The following SHOC1 variants were observed in gnomAD, a reference collection of about 807,000 sequenced individuals.
SHOC1 encodes the protein shortage in chiasmata 1.
In SHOC1, 136 loss-of-function variants were observed where a neutral mutation model predicts 179.2. The ratio of observed to expected loss-of-function variants is 0.76; its 90% CI spans 0.66 to 0.87. The LOEUF is 0.87. Among genes scored for constraint, SHOC1 ranks in the 40% least tolerant of loss-of-function variants. SHOC1 has a pLI of 0.00. For missense variants in SHOC1, 1,538 were observed against 1,700.8 expected, an observed-to-expected ratio of 0.90 and a Z score of 1.68; for synonymous variants, 489 against 586.6, an observed-to-expected ratio of 0.83 and a Z score of 2.41.
chr9:111,712,387 A>T (rs13290402), intron 18 of SHOC1, among the ~76,000 whole-genome samples: 8,679 of 152,234 alleles, frequency 0.057, 627 homozygotes, highest in African/African-American at 0.17. Flanking sequence ...GCCTCAAAGG[A>T]GGAGGAATAA....
intron 5 of SHOC1, among the ~76,000 whole-genome samples, chr9:111,762,821 TG>T (rs1479165775): frequency 2.0e-5 from 3 of 152,080 alleles, no homozygotes; most frequent in Non-Finnish European, 2.9e-5. Context: ...GCAACCATCA[TG>T]CTTCTACCGA....
At chr9:111,782,529 C>T (rs1836105618) in intron 3 of SHOC1, among the ~76,000 whole-genome samples, 1 of 152,046 alleles carries the variant, frequency 6.6e-6, no homozygotes. Context: ...AGAACAACCC[C>T]TACTCTACAC....
rs1414456140 is a variant in SHOC1 at position 111,691,653 on chromosome 9, C to A, written c.4324G>T (p.Glu1442Ter). 1.2e-6 allele frequency: 2 copies of A among 1,613,862 alleles called. No individual in the cohort carries two copies. The highest frequency in any genetic ancestry group is 1.7e-6 in the Non-Finnish European group (2 of 1,179,942). The change falls in exon 27 of 28, where the codon GAA becomes TAA. Residue 1442 changes from glutamate (E) to a stop codon, truncating the protein, a stop_gained. Coordinates refer to ENST00000682961, the MANE Select transcript of SHOC1 (RefSeq NM_001378211.1). LOFTEE classifies it high-confidence loss of function. ...TGGTAGAAATAAAGGCTGTTGAATT[C>A]TTTTTGATTTGCATTAGAATCAGAA... ...RASDSNANQKEFNSLYFYQRA... is the reference protein window; with the variant it reads ...RASDSNANQK
At chr9:111,704,989 T>C (rs1193784028) in intron 21 of SHOC1, among the ~76,000 whole-genome samples, 2 of 152,084 alleles carry the variant, frequency 1.3e-5, no homozygotes, top group African/African-American at 4.8e-5. Flanking sequence ...TTTTTGTCCA[T>C]AAAATTGATA....
intron 8 of SHOC1, among the ~76,000 whole-genome samples, chr9:111,748,639 T>TC (rs1379078721): frequency 6.6e-6 from 1 of 152,140 alleles, no homozygotes; most frequent in Non-Finnish European, 1.5e-5. Context: ...TTCTTTTATC[T>TC]CCCTTCTTCC....
intron 8 of SHOC1, among the ~76,000 whole-genome samples, chr9:111,749,720 T>C (rs1405782034): frequency 2.0e-5 from 3 of 152,156 alleles, no homozygotes; most frequent in Non-Finnish European, 2.9e-5. Context: ...CCGTCCACCA[T>C]GTGTCCATGT....
intron 24 of SHOC1, among the ~76,000 whole-genome samples, chr9:111,697,808 A>G (rs545260259): frequency 1.3e-5 from 2 of 152,344 alleles, no homozygotes; most frequent in South Asian, 4.1e-4. Context: ...AGTCCCACCA[A>G]CGGTGTAAAA....
At chr9:111,776,327 T>C (rs117243841) in intron 4 of SHOC1, among the ~76,000 whole-genome samples, 1 of 152,356 alleles carries the variant, frequency 6.6e-6, no homozygotes, top group Non-Finnish European at 1.5e-5. Flanking sequence ...TTCTCTATTG[T>C]TGGAAATTTA....
chr9:111,788,584 T>A (rs1047523216), intron 2 of SHOC1, among the ~76,000 whole-genome samples: 2 of 152,190 alleles, frequency 1.3e-5, no homozygotes, highest in African/African-American at 4.8e-5. Flanking sequence ...CCTACAGATA[T>A]TTTTTCTAGG....
At chr9:111,782,242 T>C (rs1219479273) in intron 3 of SHOC1, among the ~76,000 whole-genome samples, 1 of 152,030 alleles carries the variant, frequency 6.6e-6, no homozygotes, top group Non-Finnish European at 1.5e-5. Context: ...GTTTAGTGGT[T>C]AAGAGTACAG....
rs563515081 is a variant in SHOC1, at chr9:111,724,284, C to T, written c.1835-373G>A. Among the ~76,000 whole-genome samples, 10 of 152,100 alleles carry T rather than the reference C, an allele frequency of 6.6e-5. No homozygotes were observed. In the South Asian group the frequency reaches 2.1e-3, roughly 32 times the overall value. On this transcript the variant is annotated intron_variant, in intron 13 of 27. Coordinates refer to ENST00000682961, the MANE Select transcript of SHOC1 (RefSeq NM_001378211.1). ...ACATACCCTTTCTTCTACTACTAAC[C>T]CTCTCCTCTGTCCCAAACCTTCCCT...
At chr9:111,747,997 C>A in intron 9 of SHOC1, 95 bp downstream of exon 9, 1 of 724,544 alleles carries the variant, frequency 1.4e-6, no homozygotes, top group South Asian at 2.1e-5. Flanking sequence ...AACATGGAAA[C>A]TGACTCACAG....
intron 5 of SHOC1, chr9:111,759,110 T>C: frequency 6.4e-7 from 1 of 1,553,414 alleles, no homozygotes; most frequent in Non-Finnish European, 8.7e-7. Flanking sequence ...GCTAATACTT[T>C]ATCAATAAAG....
chr9:111,773,740 G>C (rs1487064001), intron 5 of SHOC1, among the ~76,000 whole-genome samples: 1 of 152,054 alleles, frequency 6.6e-6, no homozygotes, highest in East Asian at 1.9e-4. Context: ...AGAAAAATTA[G>C]CAAATATCAA....
At chr9:111,722,257 A>G (rs1391722710) in intron 15 of SHOC1, 152 bp downstream of exon 15, 2 of 608,954 alleles carry the variant, frequency 3.3e-6, no homozygotes, top group African/African-American at 3.8e-5. Context: ...CTGATCCTCC[A>G]GTATTGGTTT....
Position 111,728,028 on chromosome 9 carries a change from T to C in SHOC1, c.1439A>G (p.His480Arg), listed in dbSNP as rs7470491. The C allele has an allele frequency of 0.79, 1,257,649 of 1,590,824 alleles. 498,737 individuals carry two copies. Among genetic ancestry groups the C allele is most frequent in the East Asian group, 0.93 (41,555 of 44,602 alleles). The change falls in exon 13 of 28, where the codon CAT becomes CGT. Residue 480 changes from histidine to arginine, a missense_variant. Coordinates refer to ENST00000682961, the MANE Select transcript of SHOC1 (RefSeq NM_001378211.1). ...ATCAATAAGTGCAATAGGTGAAGAA[T>C]GACTTTTATGTTCTAGACATGCTGA... ...QLESCLEHKSHSSPIALIDEK... is the reference protein window; with the variant it reads ...QLESCLEHKSRSSPIALIDEK...
At chr9:111,728,612 A>G (rs1480972688) in intron 12 of SHOC1, among the ~76,000 whole-genome samples, 1 of 152,214 alleles carries the variant, frequency 6.6e-6, no homozygotes, top group Non-Finnish European at 1.5e-5. Flanking sequence ...TTCCATTTAT[A>G]TAAAATGTCC....
Position 111,715,582 on chromosome 9 carries a change from C to G in SHOC1, c.2237-959G>C, listed in dbSNP as rs1832748353. Among the ~76,000 whole-genome samples, 6 of 152,078 alleles carry G rather than the reference C, an allele frequency of 3.9e-5. No homozygotes were observed. In the South Asian group the frequency reaches 1.2e-3, roughly 31 times the overall value. On this transcript the variant is annotated intron_variant, in intron 16 of 27. Transcript: ENST00000682961. ...CTTTTGTGTAGCTTAAAGGGCTCTCCATGATTTGGCTTTTTCTTATTTCTC... is the reference window on the plus strand; with the variant it reads ...CTTTTGTGTAGCTTAAAGGGCTCTCGATGATTTGGCTTTTTCTTATTTCTC...
intron 5 of SHOC1, among the ~76,000 whole-genome samples, chr9:111,762,830 C>T (rs7028460): frequency 0.8 from 122,039 of 151,872 alleles, 49,198 homozygotes; most frequent in East Asian, 0.92. Context: ...ATGCTTCTAC[C>T]GAACAAAGTT....
Sources: gnomAD v4.1 joint callset for allele counts (sites outside exome capture counted in the v4.1 genomes callset) on GRCh38, gnomAD v4.1.1 for gene constraint, MANE v1.5 for transcripts, NCBI Gene and HGNC (gene_info 2026-07-23, HGNC 2026-07-21) for gene names.